The following CEP19 variants were observed in gnomAD, a reference collection of about 807,000 sequenced individuals.
CEP19 encodes the protein centrosomal protein 19.
CEP19 carries 14 observed loss-of-function variants against 17.5 expected under a neutral mutation model. The observed-to-expected ratio is 0.80, with a 90% CI of 0.53 to 1.25. The LOEUF is 1.25. CEP19 is among the 50% of genes most tolerant of loss of function. The pLI, the probability that CEP19 is intolerant of heterozygous loss-of-function variation, is 0.00. For missense variants in CEP19, 193 were observed against 192.0 expected, an observed-to-expected ratio of 1.01 and a Z score of -0.03; for synonymous variants, 59 against 65.5, an observed-to-expected ratio of 0.90 and a Z score of 0.48.
rs371682052 is a variant in CEP19, at chr3:196,712,073, C to A, written c.-215G>T. 1.4e-6 allele frequency: 1 copy of A among 700,770 alleles called. No homozygotes were observed. Among genetic ancestry groups the A allele is most frequent in the East Asian group, 2.7e-5 (1 of 37,030 alleles). 43.4% of individuals were successfully genotyped at this position (700,770 alleles called of 1,614,324 possible). A position where few individuals can be genotyped will look rare whatever the true frequency, so the allele number is the denominator to read the frequency against. On this transcript the variant is annotated 5_prime_UTR_variant, in exon 1 of 3. Transcript: ENST00000409690. ...AGCCTGGCGCTGCAGGAAGAGGCGA[C>A]AGCCACAGCCCTACTGACGAGCCCG...
chr3:196,711,144 T>G (rs1002559162), intron 1 of CEP19, among the ~76,000 whole-genome samples: 5 of 151,944 alleles, frequency 3.3e-5, no homozygotes, highest in Non-Finnish European at 7.4e-5. Flanking sequence ...AAATTTAACT[T>G]TAATTTTTGC....
chr3:196,707,200 T>A lies in CEP19; in HGVS notation c.*351A>T, dbSNP rs1333759640. The A allele has an allele frequency of 5.7e-6, 1 of 175,398 alleles. No individual in the cohort carries two copies. The highest frequency in any genetic ancestry group is 1.6e-4 in the East Asian group (1 of 6,322). 10.9% of individuals were successfully genotyped at this position (175,398 alleles called of 1,614,324 possible). A position where few individuals can be genotyped will look rare whatever the true frequency, so the allele number is the denominator to read the frequency against. On this transcript the variant is annotated 3_prime_UTR_variant, in exon 3 of 3. Transcript: ENST00000409690. ...CACCCGCCACCACGCCTGGCTAATT[T>A]TTGTATTTTTAGTAGAGGCGAGGTT...
At chr3:196,711,411 C>G (rs1477587701) in intron 1 of CEP19, among the ~76,000 whole-genome samples, 1 of 152,060 alleles carries the variant, frequency 6.6e-6, no homozygotes, top group East Asian at 1.9e-4. Flanking sequence ...CTGCAACCTC[C>G]GCCTCCTGGG....
intron 1 of CEP19, 179 bp from the exon 2 acceptor site, chr3:196,708,906 G>A: frequency 2.1e-6 from 1 of 475,542 alleles, no homozygotes; most frequent in Non-Finnish European, 3.8e-6. Context: ...TTGCGCAGGG[G>A]CCATGCTGAT....
At chr3:196,708,749 G>C in intron 1 of CEP19, 22 bp from the exon 2 acceptor site, 5 of 1,333,238 alleles carry the variant, frequency 3.8e-6, no homozygotes, top group Non-Finnish European at 5.2e-6. Context: ...AAACAACTAG[G>C]TGTTGGATAA....
Position 196,707,789 on chromosome 3 carries a change from C to T in CEP19, c.254G>A (p.Ser85Asn). The change falls in exon 3 of 3, where the codon AGT becomes AAT. Residue 85 changes from serine (S) to asparagine (N), a missense_variant. Coordinates refer to ENST00000409690, the MANE Select transcript of CEP19 (RefSeq NM_032898.5). Reference protein sequence around the residue: ...SFLRGYLSGQSLAETMEQIQR... With the variant: ...SFLRGYLSGQNLAETMEQIQR... ...AATTTGTTCCATTGTTTCTGCCAGACTCTGCCCCGACAAGTAACCTCGTAA... is the reference window on the plus strand; with the variant it reads ...AATTTGTTCCATTGTTTCTGCCAGATTCTGCCCCGACAAGTAACCTCGTAA... 1.9e-6 allele frequency: 3 copies of T among 1,614,164 alleles called. No homozygotes were observed. The highest frequency in any genetic ancestry group is 2.5e-6 in the Non-Finnish European group (3 of 1,180,030).
intron 1 of CEP19, among the ~76,000 whole-genome samples, chr3:196,709,849 C>T (rs142613270): frequency 6.6e-6 from 1 of 152,314 alleles, no homozygotes; most frequent in African/African-American, 2.4e-5. Flanking sequence ...TGTCAAGAAA[C>T]ATTGAGGTAA....
chr3:196,712,200 A>G lies in CEP19; in HGVS notation c.-342T>C, dbSNP rs1159551746. The G allele has an allele frequency of 1.1e-5, 6 of 551,600 alleles. No individual in the cohort carries two copies. Among genetic ancestry groups the G allele is most frequent in the Non-Finnish European group, 1.9e-5 (6 of 307,806 alleles). 34.2% of individuals were successfully genotyped at this position (551,600 alleles called of 1,614,324 possible). A position where few individuals can be genotyped will look rare whatever the true frequency, so the allele number is the denominator to read the frequency against. ...TCCACCGGCTCCCACCTCGGCGTAC[A>G]GGGATTCCAGGTCCCGGCGAGCGCT... On this transcript the variant is annotated 5_prime_UTR_variant, in exon 1 of 3. Coordinates refer to ENST00000409690, the MANE Select transcript of CEP19 (RefSeq NM_032898.5).
At chr3:196,709,782 C>G (rs1264182079) in intron 1 of CEP19, among the ~76,000 whole-genome samples, 1 of 152,224 alleles carries the variant, frequency 6.6e-6, no homozygotes, top group Non-Finnish European at 1.5e-5. Flanking sequence ...AAAGAATACA[C>G]TTAACCCTAA....
At chr3:196,710,222 G>T (rs925515406) in intron 1 of CEP19, among the ~76,000 whole-genome samples, 2 of 151,954 alleles carry the variant, frequency 1.3e-5, no homozygotes, top group Non-Finnish European at 2.9e-5. Context: ...ACCACTTATT[G>T]TTGGGCATGA....
In CEP19 at chr3:196,706,358, T is replaced by G. The variant is rs1341045139; in HGVS notation, c.*1193A>C. The stretch of plus-strand genomic sequence containing the variant: ...TTCTACCAACTAAACAATATTGTAA[T>G]AAGGATAAATGTATCAAATCACAGA... On this transcript the variant is annotated 3_prime_UTR_variant, in exon 3 of 3. Transcript: ENST00000409690. The G allele has an allele frequency of 2.6e-5, 4 of 152,206 alleles. No homozygotes were observed. Among genetic ancestry groups the G allele is most frequent in the African/African-American group, 9.6e-5 (4 of 41,456 alleles). The allele number at this position is 152,206 out of a possible 1,614,324, so 9.4% of individuals were successfully genotyped here.
intron 1 of CEP19, among the ~76,000 whole-genome samples, chr3:196,710,566 G>C (rs969252805): frequency 6.6e-6 from 1 of 151,860 alleles, no homozygotes; most frequent in African/African-American, 2.4e-5. Context: ...AGGCAGGTGT[G>C]GTGGCTCAGG....
Position 196,707,395 on chromosome 3 carries a change from C to T in CEP19, c.*156G>A, listed in dbSNP as rs1462476836. The T allele has an allele frequency of 1.3e-6, 1 of 763,058 alleles. No individual in the cohort carries two copies. Among genetic ancestry groups the T allele is most frequent in the Non-Finnish European group, 2.1e-6 (1 of 474,924 alleles). The allele number at this position is 763,058 out of a possible 1,614,324, so 47.3% of individuals were successfully genotyped here. A position where few individuals can be genotyped will look rare whatever the true frequency, so the allele number is the denominator to read the frequency against. On this transcript the variant is annotated 3_prime_UTR_variant, in exon 3 of 3. Coordinates refer to ENST00000409690, the MANE Select transcript of CEP19 (RefSeq NM_032898.5). ...TTTTCCCATACTCCTCATGCACCTA[C>T]ATAGTAGATGCTTTAAATGTCCTGG...
chr3:196,710,158 T>A (rs781282737), intron 1 of CEP19, among the ~76,000 whole-genome samples: 1 of 152,206 alleles, frequency 6.6e-6, no homozygotes. Flanking sequence ...AATGTAACAT[T>A]TTATATGACT....
chr3:196,712,038 G>T lies in CEP19; in HGVS notation c.-180C>A. ...CGCAAAGCCCCTAAGCCGACTGTGA[G>T]ACCGGGCGGAGCCTGGCGCTGCAGG... On this transcript the variant is annotated 5_prime_UTR_variant, in exon 1 of 3. Transcript: ENST00000409690. The T allele has an allele frequency of 1.4e-6, 1 of 714,992 alleles. No homozygotes were observed. The highest frequency in any genetic ancestry group is 1.5e-5 in the South Asian group (1 of 67,378). The allele number at this position is 714,992 out of a possible 1,614,324, so 44.3% of individuals were successfully genotyped here.
rs1711616360 is a variant in CEP19, at chr3:196,708,659, C to T, written c.-2G>A. 2 of 1,613,720 alleles carry T rather than the reference C, an allele frequency of 1.2e-6. No homozygotes were observed. Among genetic ancestry groups the T allele is most frequent in the Admixed American group, 3.3e-5 (2 of 60,006 alleles). ...ACATTTCTTGGCAGTGCACATCATT[C>T]CCATGTACATGTCCGGGTAAGTCAG... On this transcript the variant is annotated 5_prime_UTR_variant, in exon 2 of 3. Coordinates refer to ENST00000409690, the MANE Select transcript of CEP19 (RefSeq NM_032898.5).
rs750464717 is a variant in CEP19, at chr3:196,708,527, C to T, written c.130+1G>A. On this transcript the variant is annotated splice_donor_variant, in intron 2 of 2. Coordinates refer to ENST00000409690, the MANE Select transcript of CEP19 (RefSeq NM_032898.5). LOFTEE classifies it high-confidence loss of function. The stretch of plus-strand genomic sequence containing the variant: ...AGGAGGCAAGATAAGACATGAGGTA[C>T]CTGAAAACTTTGAAAAGTTTCGAAC... The T allele has an allele frequency of 1.2e-6, 2 of 1,613,790 alleles. No individual in the cohort carries two copies. Among genetic ancestry groups the T allele is most frequent in the South Asian group, 1.1e-5 (1 of 91,066 alleles).
At chr3:196,711,865 C>T (rs746330107) in intron 1 of CEP19, 64 bp downstream of exon 1, 4 of 716,920 alleles carry the variant, frequency 5.6e-6, no homozygotes, top group Admixed American at 4.0e-5. Context: ...GTACGAATGT[C>T]CCCAAAGAGT....
Position 196,712,085 on chromosome 3 carries a change from T to C in CEP19, c.-227A>G. 1 of 677,962 alleles carries C rather than the reference T, an allele frequency of 1.5e-6. No homozygotes were observed. The highest frequency in any genetic ancestry group is 2.7e-5 in the East Asian group (1 of 36,644). The allele number at this position is 677,962 out of a possible 1,614,324, so 42.0% of individuals were successfully genotyped here. On this transcript the variant is annotated 5_prime_UTR_variant, in exon 1 of 3. Coordinates refer to ENST00000409690, the MANE Select transcript of CEP19 (RefSeq NM_032898.5). ...CAGGAAGAGGCGACAGCCACAGCCC[T>C]ACTGACGAGCCCGAGGGGTGAACTC...
Sources: gnomAD v4.1 joint callset for allele counts (sites outside exome capture counted in the v4.1 genomes callset) on GRCh38, gnomAD v4.1.1 for gene constraint, MANE v1.5 for transcripts, NCBI Gene and HGNC (gene_info 2026-07-23, HGNC 2026-07-21) for gene names.